Variants in MICU2 observed in about 807,000 individuals in gnomAD.
MICU2 encodes the protein mitochondrial calcium uptake 2, also known as calcium uptake protein 2, mitochondrial.
MICU2 carries 64 observed loss-of-function variants against 60.4 expected under a neutral mutation model. The observed-to-expected ratio is 1.06, with a 90% CI of 0.87 to 1.31. The LOEUF is 1.31. MICU2 is among the 50% of genes most tolerant of loss of function. The pLI is 0.00. For synonymous variants in MICU2, 201 were observed against 175.0 expected (o/e 1.15, Z -1.17); for missense variants, 569 against 531.0 (o/e 1.07, Z -0.70).
chr13:21,597,870 G>T (rs1215223645), intron 1 of MICU2, among the ~76,000 whole-genome samples: 5 of 133,544 alleles, frequency 3.7e-5, no homozygotes, highest in African/African-American at 1.4e-4. Context: ...GGTGGAGCTT[G>T]AAGTGAGTGG....
chr13:21,543,811 A>AG (rs1887342104), intron 2 of MICU2, among the ~76,000 whole-genome samples: 1 of 151,684 alleles, frequency 6.6e-6, no homozygotes, highest in Non-Finnish European at 1.5e-5. Context: ...AAGTAGAAAA[A>AG]AAATCCTAAA....
chr13:21,581,266 C>T (rs140099766), intron 1 of MICU2, among the ~76,000 whole-genome samples: 3,586 of 152,168 alleles, frequency 0.024, 119 homozygotes, highest in African/African-American at 0.077. Context: ...TACAGGCATG[C>T]ACCACCACAC....
intron 9 of MICU2, among the ~76,000 whole-genome samples, chr13:21,498,539 C>T (rs751474875): frequency 2.6e-5 from 4 of 152,034 alleles, no homozygotes; most frequent in Admixed American, 6.6e-5. Flanking sequence ...CCACCACGTC[C>T]GGCTAATTTT....
chr13:21,498,668 C>T (rs747905688), intron 9 of MICU2, among the ~76,000 whole-genome samples: 22 of 151,920 alleles, frequency 1.4e-4, no homozygotes, highest in Non-Finnish European at 2.1e-4. Context: ...CGTGAGCCAC[C>T]GCGCCTGGCT....
chr13:21,599,569 C>G (rs550786265), intron 1 of MICU2, among the ~76,000 whole-genome samples: 19 of 152,328 alleles, frequency 1.2e-4, no homozygotes, highest in African/African-American at 4.3e-4. Flanking sequence ...GTAGGAGGCA[C>G]TATTTTGTTG....
intron 1 of MICU2, among the ~76,000 whole-genome samples, chr13:21,602,313 G>A (rs1053543723): frequency 2.6e-5 from 4 of 152,042 alleles, no homozygotes; most frequent in Admixed American, 2.0e-4. Flanking sequence ...ACGAGGTCAG[G>A]AGATCGAGAC....
chr13:21,543,672 C>G (rs1041303728), intron 2 of MICU2, among the ~76,000 whole-genome samples: 1 of 152,086 alleles, frequency 6.6e-6, no homozygotes, highest in Non-Finnish European at 1.5e-5. Context: ...GAGGAGGATA[C>G]AGACGAATGG....
intron 1 of MICU2, among the ~76,000 whole-genome samples, chr13:21,571,314 C>T (rs910274016): frequency 5.3e-5 from 8 of 152,024 alleles, no homozygotes; most frequent in Non-Finnish European, 1.2e-4. Context: ...ATATAATAAA[C>T]GTCAAGATAT....
At chr13:21,552,597 A>G (rs879723390) in intron 2 of MICU2, among the ~76,000 whole-genome samples, 1 of 152,168 alleles carries the variant, frequency 6.6e-6, no homozygotes, top group Admixed American at 6.5e-5. Context: ...ATCTTGAATT[A>G]ATTTTTGTAT....
intron 8 of MICU2, among the ~76,000 whole-genome samples, chr13:21,504,106 G>A (rs907726294): frequency 6.6e-6 from 1 of 151,992 alleles, no homozygotes; most frequent in Non-Finnish European, 1.5e-5. Context: ...CTGAATACAC[G>A]GATTCATCAA....
chr13:21,532,701 A>G (rs951731760), intron 4 of MICU2, among the ~76,000 whole-genome samples: 3 of 152,248 alleles, frequency 2.0e-5, no homozygotes, highest in African/African-American at 7.2e-5. Flanking sequence ...TGTAGATAAT[A>G]TATCAAATAC....
intron 4 of MICU2, among the ~76,000 whole-genome samples, chr13:21,525,663 CTGA>C (rs1886835262): frequency 6.6e-6 from 1 of 151,724 alleles, no homozygotes; most frequent in Non-Finnish European, 1.5e-5. Context: ...TTGCATTTCC[CTGA>C]TGATTAGTGA....
intron 1 of MICU2, chr13:21,603,662 G>A (rs1415538591): frequency 1.1e-5 from 6 of 525,506 alleles, no homozygotes; most frequent in Non-Finnish European, 2.0e-5. Context: ...CACTAAATTA[G>A]TGCGGCCAGT....
At chr13:21,496,882 C>T (rs1886012794) in intron 9 of MICU2, among the ~76,000 whole-genome samples, 3 of 151,892 alleles carry the variant, frequency 2.0e-5, no homozygotes, top group African/African-American at 7.3e-5. Context: ...CATGAAATCC[C>T]TTCTCTACTA....
At chr13:21,547,572 G>A (rs539590714) in intron 2 of MICU2, among the ~76,000 whole-genome samples, 1 of 152,068 alleles carries the variant, frequency 6.6e-6, no homozygotes, top group Admixed American at 6.5e-5. Context: ...TTAACATAGG[G>A]TAAATCAAAT....
chr13:21,539,414 T>A, intron 3 of MICU2, 37 bp from the exon 4 acceptor site: 1 of 1,581,380 alleles, frequency 6.3e-7, no homozygotes, highest in Non-Finnish European at 8.6e-7. Context: ...CTTCTAAAAG[T>A]TCATTTTCTT....
At chr13:21,530,785 G>C (rs150908114) in intron 4 of MICU2, 20 of 662,460 alleles carry the variant, frequency 3.0e-5, no homozygotes, top group East Asian at 1.3e-4. Flanking sequence ...CCCAGCAGCA[G>C]CACCAGGAAG....
chr13:21,565,221 A>G (rs1887949529), intron 2 of MICU2, among the ~76,000 whole-genome samples: 1 of 152,210 alleles, frequency 6.6e-6, no homozygotes, highest in African/African-American at 2.4e-5. Flanking sequence ...ACTTCCCTGC[A>G]AAAAAGCTGT....
chr13:21,510,814 A>G (rs1479722986), intron 7 of MICU2, among the ~76,000 whole-genome samples: 2 of 150,264 alleles, frequency 1.3e-5, no homozygotes, highest in Non-Finnish European at 2.9e-5. Context: ...AATTCATTAA[A>G]TGAATTCATT....
Sources: allele counts gnomAD v4.1 joint callset (sites outside exome capture counted in the v4.1 genomes callset), GRCh38; gene constraint gnomAD v4.1.1; transcripts MANE v1.5; gene names NCBI Gene and HGNC (gene_info 2026-07-23, HGNC 2026-07-21).